FTCDNL1: variants seen among roughly 807,000 people sequenced by gnomAD.
FTCDNL1 encodes the protein formiminotransferase cyclodeaminase N-terminal like.
A neutral mutation model predicts 5.9 loss-of-function variants in FTCDNL1; 11 were observed. That is an observed-to-expected ratio of 1.87 (90% CI 1.18 to 3.10). FTCDNL1 has a LOEUF of 3.10. FTCDNL1 is among the 30% of genes most tolerant of loss of function. The probability of loss-of-function intolerance (pLI) is 0.00; values close to 1 mark genes in which losing one functional copy is unlikely to be tolerated. For missense variants in FTCDNL1, 115 were observed against 65.5 expected (o/e 1.76, Z -2.61); for synonymous variants, 58 against 24.8 (o/e 2.34, Z -3.99).
At chr2:199,736,920 C>T in the FTCDNL1 span, among the ~76,000 whole-genome samples, 1 of 152,178 alleles carries the variant, frequency 6.6e-6, no homozygotes, top group African/African-American at 2.4e-5. Context: ...CCTGGGAACC[C>T]CCTGTTGCCC....
chr2:199,758,583 A>G (rs28680175), downstream of FTCDNL1, among the ~76,000 whole-genome samples: 947 of 152,268 alleles, frequency 6.2e-3, 10 homozygotes, highest in African/African-American at 0.021. Context: ...CACACACCGC[A>G]TCTCCCAGCA....
chr2:199,673,490 C>T, the FTCDNL1 span, among the ~76,000 whole-genome samples: 4 of 152,022 alleles, frequency 2.6e-5, no homozygotes, highest in Non-Finnish European at 5.9e-5. Flanking sequence ...ATAATTTTTT[C>T]GTGATGACAT....
chr2:199,679,787 G>A, the FTCDNL1 span, among the ~76,000 whole-genome samples: 1 of 151,878 alleles, frequency 6.6e-6, no homozygotes, highest in African/African-American at 2.4e-5. Context: ...ATCCTTTCCT[G>A]CATTTGATAT....
chr2:199,691,008 C>T, the FTCDNL1 span, among the ~76,000 whole-genome samples: 16 of 152,188 alleles, frequency 1.1e-4, no homozygotes, highest in African/African-American at 3.9e-4. Context: ...CCCACATATA[C>T]AAACATAGGC....
intron 3 of FTCDNL1, among the ~76,000 whole-genome samples, chr2:199,776,816 G>A (rs1224528879): frequency 1.3e-5 from 2 of 152,014 alleles, no homozygotes; most frequent in Non-Finnish European, 2.9e-5. Flanking sequence ...TGAATAGGAT[G>A]TGTGTGTATG....
the FTCDNL1 span, among the ~76,000 whole-genome samples, chr2:199,735,429 GTTGGT>G: frequency 6.6e-6 from 1 of 152,076 alleles, no homozygotes; most frequent in Admixed American, 6.5e-5. Context: ...AGGGTAAACG[GTTGGT>G]TTGATTTATA....
At chr2:199,679,801 G>A in the FTCDNL1 span, among the ~76,000 whole-genome samples, 1 of 151,828 alleles carries the variant, frequency 6.6e-6, no homozygotes, top group Non-Finnish European at 1.5e-5. Flanking sequence ...TTGATATGTG[G>A]TCTTCATTGA....
chr2:199,841,021 T>G (rs1360830082), intron 3 of FTCDNL1, among the ~76,000 whole-genome samples: 2 of 151,956 alleles, frequency 1.3e-5, no homozygotes, highest in African/African-American at 4.8e-5. Context: ...TGTGGTGGCA[T>G]GCACCTGTGA....
At chr2:199,779,803 CAG>C (rs1699271405) in intron 3 of FTCDNL1, among the ~76,000 whole-genome samples, 3 of 152,168 alleles carry the variant, frequency 2.0e-5, no homozygotes, top group Admixed American at 6.5e-5. Flanking sequence ...ATGGTGACGT[CAG>C]TCCTAAGTGT....
the FTCDNL1 span, among the ~76,000 whole-genome samples, chr2:199,690,399 C>T: frequency 6.6e-6 from 1 of 152,194 alleles, no homozygotes; most frequent in Non-Finnish European, 1.5e-5. Flanking sequence ...ATCCTCAAGG[C>T]CTAGGCCCGT....
rs1574712140 is a variant in FTCDNL1 at position 199,848,890 on chromosome 2, T to C, written c.73A>G (p.Ile25Val). ...LNVSEAGRKY[I>V]VENIAKAALL... The stretch of plus-strand genomic sequence containing the variant: ...GCTGCTTTTGCTATGTTCTCAACAA[T>C]GTATTTTCTTCCGGCTTCTGAAACG... Residue 25 changes from isoleucine (I) to valine (V), a missense_variant, in exon 2 of 5, where the codon ATT becomes GTT. Physicochemically the swap from Ile to Val is conservative, Grantham distance 29. Transcript: ENST00000420128. The C allele has an allele frequency of 2.8e-6, 2 of 702,342 alleles. No individual in the cohort carries two copies. Among genetic ancestry groups the C allele is most frequent in the African/African-American group, 1.7e-5 (1 of 57,380 alleles). 43.5% of individuals were successfully genotyped at this position (702,342 alleles called of 1,614,324 possible). A position where few individuals can be genotyped will look rare whatever the true frequency, so the allele number is the denominator to read the frequency against.
chr2:199,693,527 C>A, the FTCDNL1 span, among the ~76,000 whole-genome samples: 1 of 152,172 alleles, frequency 6.6e-6, no homozygotes, highest in Non-Finnish European at 1.5e-5. Context: ...GACTTGGTAT[C>A]TTAATTTTAG....
chr2:199,842,613 A>T lies in FTCDNL1; in HGVS notation c.211+3462T>A, dbSNP rs540965218. Among the ~76,000 whole-genome samples, 183 of 152,304 alleles carry T rather than the reference A, an allele frequency of 1.2e-3. 2 individuals carry two copies. The highest frequency in any genetic ancestry group is 4.4e-3 in the African/African-American group (181 of 41,564). ...TACCAACTTTGGACCCACTTTAAGA[A>T]CCTCATCCTGGACCCACCTTAAGAA... On this transcript the variant is annotated intron_variant, in intron 3 of 4. Coordinates refer to ENST00000420128, the MANE Select transcript of FTCDNL1 (RefSeq NM_001363886.2).
chr2:199,675,498 A>C, the FTCDNL1 span, among the ~76,000 whole-genome samples: 1 of 152,232 alleles, frequency 6.6e-6, no homozygotes, highest in Non-Finnish European at 1.5e-5. Context: ...TATAAGATTC[A>C]GTAGTGAACA....
intron 3 of FTCDNL1, among the ~76,000 whole-genome samples, chr2:199,770,090 C>A (rs1430010532): frequency 7.2e-5 from 11 of 152,154 alleles, no homozygotes. Context: ...CTGTTTCAGG[C>A]CTCTTCTTCA....
chr2:199,791,057 T>A (rs1699900686), intron 3 of FTCDNL1, among the ~76,000 whole-genome samples: 1 of 152,148 alleles, frequency 6.6e-6, no homozygotes, highest in African/African-American at 2.4e-5. Context: ...GTGATTAAAT[T>A]ATGACCCATT....
the FTCDNL1 span, among the ~76,000 whole-genome samples, chr2:199,733,959 T>C: frequency 1.3e-5 from 2 of 151,618 alleles, no homozygotes; most frequent in African/African-American, 4.8e-5. Context: ...AAAAAAAAAC[T>C]GTCTTCCACC....
intron 3 of FTCDNL1, among the ~76,000 whole-genome samples, chr2:199,769,823 G>A (rs1455603361): frequency 6.6e-6 from 1 of 152,092 alleles, no homozygotes. Context: ...CAACACCTGT[G>A]TAAATGATCT....
intron 3 of FTCDNL1, among the ~76,000 whole-genome samples, chr2:199,840,668 G>A (rs1338864922): frequency 1.3e-5 from 2 of 152,164 alleles, no homozygotes; most frequent in East Asian, 1.9e-4. Flanking sequence ...CTGGCTCTGA[G>A]GAGAAGGAAA....
Sources: gnomAD v4.1 joint callset for allele counts (sites outside exome capture counted in the v4.1 genomes callset) on GRCh38, gnomAD v4.1.1 for gene constraint, MANE v1.5 for transcripts, NCBI Gene and HGNC (gene_info 2026-07-23, HGNC 2026-07-21) for gene names.